Variants in CCDC102B observed in about 807,000 individuals in gnomAD.
CCDC102B encodes the protein coiled-coil domain containing 102B, also known as coiled-coil domain-containing protein 102B.
A neutral mutation model predicts 57.4 loss-of-function variants in CCDC102B; 75 were observed. The ratio of observed to expected loss-of-function variants is 1.31; its 90% confidence interval spans 1.08 to 1.58. The LOEUF is 1.58. CCDC102B is among the 40% of genes most tolerant of loss of function. CCDC102B has a pLI of 0.00. For missense variants in CCDC102B, 636 were observed against 582.6 expected (o/e 1.09, Z -0.94); for synonymous variants, 206 against 201.9 (o/e 1.02, Z -0.17).
At chr18:68,888,630 C>G (rs1432019795) in intron 5 of CCDC102B, among the ~76,000 whole-genome samples, 1 of 152,144 alleles carries the variant, frequency 6.6e-6, no homozygotes, top group Non-Finnish European at 1.5e-5. Flanking sequence ...AGGACAAAAT[C>G]ATCAGGGTTG....
At chr18:69,042,981 A>G (rs1003280709) in intron 7 of CCDC102B, among the ~76,000 whole-genome samples, 8 of 152,090 alleles carry the variant, frequency 5.3e-5, no homozygotes, top group African/African-American at 1.9e-4. Flanking sequence ...ACCAGCGTTC[A>G]GCATATGGAG....
chr18:68,961,076 G>A (rs1206369641), intron 6 of CCDC102B, among the ~76,000 whole-genome samples: 1 of 152,026 alleles, frequency 6.6e-6, no homozygotes, highest in African/African-American at 2.4e-5. Flanking sequence ...GAAAACTATG[G>A]TTGAATATAT....
Position 69,026,457 on chromosome 18 carries a change from C to CAA in CCDC102B, c.1434+15371_1434+15372dup, listed in dbSNP as rs547625543. ...ACTCACTCCAGCCTGAACCCTGTCT[C>CAA]AAAAAAAAAAAAAAAAAAACCCCAG... is the stretch of plus-strand genomic sequence containing the variant. On this transcript the variant is annotated intron_variant, in intron 7 of 7. Coordinates refer to ENST00000360242, the MANE Select transcript of CCDC102B (RefSeq NM_024781.3). 8.5e-3 allele frequency among the ~76,000 whole-genome samples: 635 copies of CAA among 74,956 alleles called. 8 individuals are homozygous for CAA. The highest frequency in any genetic ancestry group is 0.026 in the African/African-American group (587 of 22,850). 49.2% of individuals were successfully genotyped at this position (74,956 alleles called of 152,430 possible).
downstream of CCDC102B, among the ~76,000 whole-genome samples, chr18:69,055,788 A>C (rs1346566289): frequency 6.6e-6 from 1 of 152,092 alleles, no homozygotes; most frequent in African/African-American, 2.4e-5. Flanking sequence ...CACACAACAC[A>C]ATCTCTAGAT....
At chr18:68,846,550 A>C (rs67139927) in intron 4 of CCDC102B, 129 bp downstream of exon 4, 1 of 510,948 alleles carries the variant, frequency 2.0e-6, no homozygotes, top group Non-Finnish European at 3.4e-6. Context: ...TTTCCTCTAT[A>C]AGAGTAATAC....
chr18:68,996,458 CT>C (rs770930624), intron 6 of CCDC102B, among the ~76,000 whole-genome samples: 1 of 152,174 alleles, frequency 6.6e-6, no homozygotes, highest in Non-Finnish European at 1.5e-5. Context: ...TATTGGGGGA[CT>C]TTACCTTGTG....
chr18:69,042,420 C>T (rs1470018327), intron 7 of CCDC102B, among the ~76,000 whole-genome samples: 1 of 152,080 alleles, frequency 6.6e-6, no homozygotes, highest in Non-Finnish European at 1.5e-5. Flanking sequence ...TTTCCTCAAA[C>T]CTGCTCATTT....
At chr18:68,791,735 C>T (rs2035469999) in intron 2 of CCDC102B, among the ~76,000 whole-genome samples, 1 of 151,732 alleles carries the variant, frequency 6.6e-6, no homozygotes, top group Non-Finnish European at 1.5e-5. Context: ...TATATTTTCT[C>T]TCATATATTC....
intron 6 of CCDC102B, among the ~76,000 whole-genome samples, chr18:68,906,269 G>C (rs962701085): frequency 1.3e-5 from 2 of 151,874 alleles, no homozygotes; most frequent in African/African-American, 4.8e-5. Context: ...CTTTTGAATA[G>C]TGCTGCTGTA....
intron 7 of CCDC102B, among the ~76,000 whole-genome samples, chr18:69,044,713 C>T (rs1488438957): frequency 1.3e-5 from 2 of 152,142 alleles, no homozygotes; most frequent in Admixed American, 6.6e-5. Flanking sequence ...TGACTGTTTA[C>T]ACATGCAAAC....
chr18:68,750,433 C>G (rs1367684412), intron 2 of CCDC102B, among the ~76,000 whole-genome samples: 1 of 152,142 alleles, frequency 6.6e-6, no homozygotes, highest in Non-Finnish European at 1.5e-5. Flanking sequence ...CCCAGCCATC[C>G]CATTAGTGGG....
At position 69,020,934 on chromosome 18, in the gene CCDC102B, A is replaced by G. The variant is rs541442424; in HGVS notation, c.1434+9830A>G. Among the ~76,000 whole-genome samples, 16 of 152,348 alleles carry G rather than the reference A, an allele frequency of 1.1e-4. No individual in the cohort carries two copies. In the East Asian group the frequency reaches 2.7e-3, roughly 26 times the overall value. The stretch of plus-strand genomic sequence containing the variant: ...GAAAAATAAACATGGGAAACATAAG[A>G]TACAAGATAGTATTGAGGCTCTTCA... On this transcript the variant is annotated intron_variant, in intron 7 of 7. Coordinates refer to ENST00000360242, the MANE Select transcript of CCDC102B (RefSeq NM_024781.3).
At chr18:68,835,434 GA>G (rs2037325672) in intron 1 of CCDC102B, among the ~76,000 whole-genome samples, 1 of 152,126 alleles carries the variant, frequency 6.6e-6, no homozygotes, top group Admixed American at 6.5e-5. Context: ...GTTATAATGT[GA>G]ATTATGTATC....
chr18:68,881,403 T>G (rs528735591), intron 5 of CCDC102B, among the ~76,000 whole-genome samples: 10 of 152,240 alleles, frequency 6.6e-5, no homozygotes, highest in Non-Finnish European at 1.0e-4. Context: ...ATCAATTTTA[T>G]AAGATAATGT....
intron 7 of CCDC102B, among the ~76,000 whole-genome samples, chr18:69,030,015 T>C (rs1180196144): frequency 6.6e-6 from 1 of 152,178 alleles, no homozygotes; most frequent in Non-Finnish European, 1.5e-5. Context: ...AAACCAAAAG[T>C]GTGCCAGCTT....
In CCDC102B at chr18:68,864,606, A is replaced by G. The variant is rs528101743; in HGVS notation, c.937-10063A>G. ...AAATTAGTTCTGTTTTTCTATTTCTATAGTGGGCATATATCTTCCACTACT... is the reference window on the plus strand; with the variant it reads ...AAATTAGTTCTGTTTTTCTATTTCTGTAGTGGGCATATATCTTCCACTACT... On this transcript the variant is annotated intron_variant, in intron 4 of 7. Coordinates refer to ENST00000360242, the MANE Select transcript of CCDC102B (RefSeq NM_024781.3). 4.6e-5 allele frequency among the ~76,000 whole-genome samples: 7 copies of G among 152,008 alleles called. No homozygotes were observed. In the South Asian group the frequency reaches 1.5e-3, roughly 31 times the overall value.
intron 7 of CCDC102B, among the ~76,000 whole-genome samples, chr18:69,027,474 A>G (rs1390839550): frequency 4.6e-5 from 7 of 152,220 alleles, no homozygotes; most frequent in African/African-American, 1.4e-4. Context: ...ACTTTCAGAA[A>G]TGAAATTTTC....
chr18:68,801,726 A>G (rs981263109), intron 1 of CCDC102B, among the ~76,000 whole-genome samples: 1 of 152,194 alleles, frequency 6.6e-6, no homozygotes, highest in Non-Finnish European at 1.5e-5. Context: ...TTGGAAATAT[A>G]ACACAGGTAA....
chr18:68,813,997 G>T (rs1048913088), intron 1 of CCDC102B, among the ~76,000 whole-genome samples: 13 of 151,972 alleles, frequency 8.6e-5, no homozygotes, highest in African/African-American at 2.7e-4. Context: ...GTTAGTAAGA[G>T]AAGCCTAAAT....
Sources: gnomAD v4.1 joint callset for allele counts (sites outside exome capture counted in the v4.1 genomes callset) on GRCh38, gnomAD v4.1.1 for gene constraint, MANE v1.5 for transcripts, NCBI Gene and HGNC (gene_info 2026-07-23, HGNC 2026-07-21) for gene names.